Variants in TACC3 observed in about 807,000 individuals in gnomAD.
TACC3 encodes the protein transforming acidic coiled-coil-containing protein 3.
A neutral mutation model predicts 86.0 loss-of-function variants in TACC3; 52 were observed. The observed-to-expected ratio is 0.60, with a 90% confidence interval of 0.48 to 0.76. The LOEUF is 0.76. TACC3 is among the 30% of genes least tolerant of loss of function. TACC3 has a pLI of 0.00. For synonymous variants in TACC3, 512 were observed against 430.0 expected, an observed-to-expected ratio of 1.19 and a Z score of -2.36; for missense variants, 1,120 against 1,070.4, an observed-to-expected ratio of 1.05 and a Z score of -0.65.
In TACC3 at chr4:1,739,776, G is replaced by A. The variant is rs753958434; in HGVS notation, c.2016G>A (p.Leu672=). Residue 672 remains leucine, a splice_region_variant and synonymous_variant, in exon 11 of 16, where the codon CTG becomes CTA. Transcript: ENST00000313288. ...AGCTCCACGGGAAGAACCTGGAACT[G>A]GGGTAAGGAGGCCCCGTCTCCTGTC... ...CEELHGKNLE[L]GKIMDRFEEV... The A allele has an allele frequency of 5.1e-6, 8 of 1,583,522 alleles. No homozygotes were observed. The South Asian group carries it at 9.2e-5, about 18-fold the overall frequency.
chr4:1,735,676 C>CT lies in TACC3; in HGVS notation c.1645-55_1645-54insT, dbSNP rs1366628530. ...AGGTGACCTCCCTGGCCCTTAGCCC[C>CT]CGTGTGTGTTAGGGGATGGCAGTCA... On this transcript the variant is annotated intron_variant, in intron 7 of 15. Coordinates refer to ENST00000313288, the MANE Select transcript of TACC3 (RefSeq NM_006342.3). The surrounding 1 kb of genome is among the most constrained non-coding windows in gnomAD (Gnocchi z 4.2). The CT allele has an allele frequency of 2.9e-6, 4 of 1,360,128 alleles. No homozygotes were observed. The highest frequency in any genetic ancestry group is 1.8e-4 in the Middle Eastern group (1 of 5,570). 84.3% of individuals were successfully genotyped at this position (1,360,128 alleles called of 1,614,324 possible).
rs1408571385 is a variant in TACC3 at position 1,723,746 on chromosome 4, C to T, written c.181C>T (p.Leu61=). The change falls in exon 3 of 16, where the codon CTG becomes TTG. Residue 61 remains leucine, a synonymous_variant. Coordinates refer to ENST00000313288, the MANE Select transcript of TACC3 (RefSeq NM_006342.3). ...GCAACAGGTGACTTTTCAGACACCT[C>T]TGCGGGATCCACAGACGCACAGGAT... ...KAMKVTFQTP[L]RDPQTHRILS... The T allele has an allele frequency of 4.3e-6, 7 of 1,613,672 alleles. No individual in the cohort carries two copies. The highest frequency in any genetic ancestry group is 5.1e-6 in the Non-Finnish European group (6 of 1,180,038).
chr4:1,733,460 C>T (rs1005969788), intron 6 of TACC3, among the ~76,000 whole-genome samples: 29 of 152,012 alleles, frequency 1.9e-4, no homozygotes, highest in African/African-American at 5.8e-4. Flanking sequence ...TGAGACTAAC[C>T]TGGGCAACAT....
In TACC3 at chr4:1,730,946, C is replaced by G. The variant is rs868678811; in HGVS notation, c.1445C>G (p.Pro482Arg). ...TPVVQLAAET[P>R]TAESKERALN... ...GTGGTGCAGTTGGCAGCCGAGACCC[C>G]AACAGCAGAGAGCAAGGTAAGGGGT... Residue 482 changes from proline (P) to arginine (R), a missense_variant, in exon 5 of 16, where the codon CCA becomes CGA. By Grantham distance (103) the Pro-to-Arg change is moderately radical (BLOSUM62 -2). Transcript: ENST00000313288. 1.9e-6 allele frequency: 3 copies of G among 1,613,440 alleles called. No individual in the cohort carries two copies. The East Asian group carries it at 6.7e-5, about 36-fold the overall frequency.
At position 1,728,720 on chromosome 4, in the gene TACC3, G is replaced by A. The variant is rs1487511368; in HGVS notation, c.1318G>A (p.Gly440Ser). The A allele has an allele frequency of 1.2e-6, 2 of 1,613,418 alleles. No individual in the cohort carries two copies. Among genetic ancestry groups the A allele is most frequent in the Admixed American group, 3.3e-5 (2 of 60,016 alleles). Residue 440 changes from glycine (G) to serine (S), a missense_variant, in exon 4 of 16, where the codon GGC (glycine) becomes AGC (serine). Transcript: ENST00000313288. ...CCCAGAAAGCCCTGAGACCAGGCTG[G>A]GCCAGCCAGCGGCTGAACAGTTGCA... Reference protein sequence around the residue: ...QPPESPETRLGQPAAEQLHAG... With the variant: ...QPPESPETRLSQPAAEQLHAG...
chr4:1,733,664 A>AG (rs1192480230), intron 6 of TACC3, among the ~76,000 whole-genome samples: 1 of 151,910 alleles, frequency 6.6e-6, no homozygotes, highest in African/African-American at 2.4e-5. Flanking sequence ...TGAAGGAAAG[A>AG]AAAAAAAGGC....
At chr4:1,740,804 C>G (rs372495209) in intron 12 of TACC3, 22 bp from the exon 13 acceptor site, 2 of 1,599,836 alleles carry the variant, frequency 1.3e-6, no homozygotes, top group South Asian at 1.1e-5. Context: ...TCATCCTGAA[C>G]GTTTGCTTTT....
At chr4:1,743,524 G>T (rs1399051672) in intron 13 of TACC3, among the ~76,000 whole-genome samples, 1 of 149,588 alleles carries the variant, frequency 6.7e-6, no homozygotes, top group African/African-American at 2.5e-5. Flanking sequence ...CTTCACTCCA[G>T]CCTGAGTGAC....
rs1313306998 is a variant in TACC3, at chr4:1,723,333, G to T, written c.-1-88G>T. The T allele has an allele frequency of 5.7e-6, 8 of 1,392,964 alleles. No individual in the cohort carries two copies. In the African/African-American group the frequency reaches 1.1e-4, roughly 20 times the overall value. The allele number at this position is 1,392,964 out of a possible 1,614,324, so 86.3% of individuals were successfully genotyped here. A position where few individuals can be genotyped will look rare whatever the true frequency, so the allele number is the denominator to read the frequency against. On this transcript the variant is annotated intron_variant, in intron 1 of 15. Coordinates refer to ENST00000313288, the MANE Select transcript of TACC3 (RefSeq NM_006342.3). Reference sequence around the variant, plus strand: ...GAGCACACCTGTGTGGGAAGTGGTCGTGCCCCTTGCAGCAGCTGTCACGTC... The same window carrying T: ...GAGCACACCTGTGTGGGAAGTGGTCTTGCCCCTTGCAGCAGCTGTCACGTC...
rs146630510 is a variant in TACC3 at position 1,728,587 on chromosome 4, C to G, written c.1185C>G (p.Pro395=). The change falls in exon 4 of 16, where the codon CCC becomes CCG. Residue 395 remains proline (P), a synonymous_variant. Transcript: ENST00000313288. ...DGRSGAGEDP[P]MPASRGSYHL... Reference sequence around the variant, plus strand: ...GGAGCGGAGCAGGAGAGGACCCCCCCATGCCAGCTTCTCGGGGCTCTTACC... The same window carrying G: ...GGAGCGGAGCAGGAGAGGACCCCCCGATGCCAGCTTCTCGGGGCTCTTACC... The G allele has an allele frequency of 1.5e-5, 24 of 1,613,886 alleles. No individual in the cohort carries two copies. The African/African-American group carries it at 2.9e-4, about 20-fold the overall frequency.
chr4:1,724,937 T>TG (rs1717612865), intron 3 of TACC3, among the ~76,000 whole-genome samples: 1 of 148,552 alleles, frequency 6.7e-6, no homozygotes, highest in Non-Finnish European at 1.5e-5. Flanking sequence ...ATTTTTTTTT[T>TG]TTTTTTTTTT....
Position 1,728,666 on chromosome 4 carries a change from A to G in TACC3, c.1264A>G (p.Thr422Ala), listed in dbSNP as rs1717844057. The change falls in exon 4 of 16, where the codon ACC (threonine) becomes GCC (alanine). Residue 422 changes from threonine to alanine, a missense_variant. Transcript: ENST00000313288. ...AAACTTCATCCCGTTCGGAGGTGAC[A>G]CCAAGTCTGGTTGCAGTGAGGCCCA... ...DPNFIPFGGD[T>A]KSGCSEAQPP... The G allele has an allele frequency of 6.2e-7, 1 of 1,613,808 alleles. No homozygotes were observed. The highest frequency in any genetic ancestry group is 8.5e-7 in the Non-Finnish European group (1 of 1,180,028).
At chr4:1,720,807 C>T (rs1464191655), upstream of TACC3, 4 of 1,594,464 alleles carry the variant, frequency 2.5e-6, no homozygotes, top group Non-Finnish European at 2.6e-6. The surrounding 1 kb of genome is among the most constrained non-coding windows in gnomAD (Gnocchi z 4.4). Flanking sequence ...ACCAGATAGG[C>T]GAGAGTGAAG....
chr4:1,729,356 A>G (rs1283280480), intron 4 of TACC3, among the ~76,000 whole-genome samples: 2 of 152,182 alleles, frequency 1.3e-5, no homozygotes, highest in Non-Finnish European at 2.9e-5. Flanking sequence ...AAAAGACAGA[A>G]GAAAAGACAG....
intron 3 of TACC3, among the ~76,000 whole-genome samples, chr4:1,724,453 C>G (rs545369878): frequency 7.6e-6 from 1 of 132,272 alleles, no homozygotes; most frequent in Admixed American, 8.4e-5. Flanking sequence ...TGCAGTGGCT[C>G]GATTTCGGCT....
In TACC3 at chr4:1,737,637, C is replaced by T. The variant is rs1246862296; in HGVS notation, c.1876C>T (p.Pro626Ser). 6.5e-7 allele frequency: 1 copy of T among 1,538,902 alleles called. No individual in the cohort carries two copies. Among genetic ancestry groups the T allele is most frequent in the African/African-American group, 1.4e-5 (1 of 72,880 alleles). Residue 626 changes from proline to serine, a missense_variant, in exon 10 of 16, where the codon CCA (proline) becomes TCA (serine). Coordinates refer to ENST00000313288, the MANE Select transcript of TACC3 (RefSeq NM_006342.3). Reference sequence around the variant, plus strand: ...CCCAGGTGTTCCCGCGCCTGGGGGCCCACCCCTGTCCACCGGACCTATAGT... The same window carrying T: ...CCCAGGTGTTCCCGCGCCTGGGGGCTCACCCCTGTCCACCGGACCTATAGT... ...PPPGVPAPGGPPLSTGPIVDL... is the reference protein window; with the variant it reads ...PPPGVPAPGGSPLSTGPIVDL...
intron 3 of TACC3, among the ~76,000 whole-genome samples, chr4:1,725,820 C>T (rs1008580994): frequency 1.3e-5 from 2 of 152,250 alleles, no homozygotes; most frequent in African/African-American, 4.8e-5. Context: ...CAAGAGCAGC[C>T]GCTGCGTGCA....
At chr4:1,732,887 TG>T (rs1377919504) in intron 6 of TACC3, among the ~76,000 whole-genome samples, 1 of 152,246 alleles carries the variant, frequency 6.6e-6, no homozygotes, top group Non-Finnish European at 1.5e-5. Flanking sequence ...TCAGGAGTAG[TG>T]CTGCCTCGAA....
At chr4:1,734,872 C>G (rs539420569) in intron 6 of TACC3, among the ~76,000 whole-genome samples, 2 of 152,264 alleles carry the variant, frequency 1.3e-5, no homozygotes, top group East Asian at 3.9e-4. Context: ...TGTTGAACTC[C>G]TGGGCTCAAG....
Sources: gnomAD v4.1 joint callset for allele counts (sites outside exome capture counted in the v4.1 genomes callset) on GRCh38, gnomAD v4.1.1 for gene constraint, Gnocchi (gnomAD v3.1) non-coding constraint, MANE v1.5 for transcripts, NCBI Gene and HGNC (gene_info 2026-07-23, HGNC 2026-07-21) for gene names.